The following BCAM variants were observed in gnomAD, a reference collection of about 807,000 sequenced individuals.
BCAM encodes the protein basal cell adhesion molecule.
A neutral mutation model predicts 72.4 loss-of-function variants in BCAM; 61 were observed. The ratio of observed to expected loss-of-function variants is 0.84; its 90% confidence interval spans 0.69 to 1.04. The LOEUF is 1.04. Ranked by LOEUF, BCAM falls within the 50% of genes least tolerant of loss-of-function variation. The pLI, the probability that BCAM is intolerant of heterozygous loss-of-function variation, is 0.00. For synonymous variants in BCAM, 408 were observed against 384.2 expected, an observed-to-expected ratio of 1.06 and a Z score of -0.73; for missense variants, 909 against 895.0, an observed-to-expected ratio of 1.02 and a Z score of -0.20.
rs1411817501 is a variant in BCAM, at chr19:44,814,946, C to CTACGTT, written c.1078+187_1078+192dup. ...TTTTTTTCCCAGAGACAGGACCTGG[C>CTACGTT]TACGTTGCCCAGGCTGGTCTCGAAC... On this transcript the variant is annotated intron_variant, in intron 8 of 14. Transcript: ENST00000270233. The surrounding 1 kb of genome is among the most constrained non-coding windows in gnomAD (Gnocchi z 4.6). Among the ~76,000 whole-genome samples the CTACGTT allele has an allele frequency of 6.8e-6, 1 of 146,474 alleles. No homozygotes were observed. The highest frequency in any genetic ancestry group is 2.0e-4 in the East Asian group (1 of 5,008).
At chr19:44,811,651 C>T (rs1416887001) in intron 2 of BCAM, 3 of 347,936 alleles carry the variant, frequency 8.6e-6, no homozygotes, top group Admixed American at 8.3e-5. Flanking sequence ...CTTTGGGAGG[C>T]CGAGGCGGGT....
At chr19:44,811,833 C>T (rs920170557) in intron 2 of BCAM, 12 of 406,414 alleles carry the variant, frequency 3.0e-5, no homozygotes, top group African/African-American at 2.1e-4. Context: ...TGCAGTGAGC[C>T]GAGATCGAGC....
Position 44,818,971 on chromosome 19 carries a change from C to A in BCAM, c.1337-85C>A. On this transcript the variant is annotated intron_variant, in intron 10 of 14. Transcript: ENST00000270233. The surrounding 1 kb of genome is among the most constrained non-coding windows in gnomAD (Gnocchi z 4.6). ...ACAGGACGAGTTCCTGAGTCCCTGG[C>A]TGGGGACTCCATCTTCTGCTCGATG... 2 of 1,598,160 alleles carry A rather than the reference C, an allele frequency of 1.3e-6. No homozygotes were observed. Among genetic ancestry groups the A allele is most frequent in the Non-Finnish European group, 8.5e-7 (1 of 1,170,306 alleles).
intron 1 of BCAM, 21 bp from the exon 2 acceptor site, chr19:44,811,204 A>G: frequency 1.2e-6 from 2 of 1,611,458 alleles, no homozygotes; most frequent in East Asian, 2.2e-5. Context: ...GGTGGATGAT[A>G]GCTCAGTTGC....
In BCAM at chr19:44,818,815, A is replaced by C. The variant is rs1433028440; in HGVS notation, c.1269A>C (p.Val423=). The change falls in exon 10 of 15, where the codon GTA becomes GTC. Residue 423 remains valine (V), a synonymous_variant. Coordinates refer to ENST00000270233, the MANE Select transcript of BCAM (RefSeq NM_005581.5). The surrounding 1 kb of genome is among the most constrained non-coding windows in gnomAD (Gnocchi z 4.6). ...SITFDSNGTY[V]CEASLPTVPV... is the part of the protein sequence containing the mutation. Reference sequence around the variant, plus strand: ...CCTTCGATTCCAATGGCACCTACGTATGTGAGGCCTCCCTGCCCACAGTCC... The same window carrying C: ...CCTTCGATTCCAATGGCACCTACGTCTGTGAGGCCTCCCTGCCCACAGTCC... 6.2e-7 allele frequency: 1 copy of C among 1,613,966 alleles called. No individual in the cohort carries two copies.
chr19:44,817,548 T>C (rs1274615747), intron 8 of BCAM, among the ~76,000 whole-genome samples: 1 of 148,788 alleles, frequency 6.7e-6, no homozygotes, highest in Non-Finnish European at 1.5e-5. Context: ...TGGTTTTTTT[T>C]GTTTTTTTTT....
rs758062093 is a variant in BCAM, at chr19:44,812,449, G to T, written c.434-29G>T. 10 of 1,614,100 alleles carry T rather than the reference G, an allele frequency of 6.2e-6. No homozygotes were observed. Among genetic ancestry groups the T allele is most frequent in the Non-Finnish European group, 8.5e-6 (10 of 1,180,030 alleles). ...CAGGCAGGGAGGGGCGCAGGGCAGGGGCTCCTGACGTGAACGTCTTTTTCA... is the reference window on the plus strand; with the variant it reads ...CAGGCAGGGAGGGGCGCAGGGCAGGTGCTCCTGACGTGAACGTCTTTTTCA... On this transcript the variant is annotated intron_variant, in intron 3 of 14. Coordinates refer to ENST00000270233, the MANE Select transcript of BCAM (RefSeq NM_005581.5). This position sits in a 1 kb window ranked among gnomAD's most constrained non-coding sequence, Gnocchi z 5.3.
intron 1 of BCAM, among the ~76,000 whole-genome samples, chr19:44,809,855 G>C (rs2122544635): frequency 6.9e-6 from 1 of 145,598 alleles, no homozygotes; most frequent in East Asian, 1.9e-4. Context: ...AGAAGGAGAG[G>C]AGGCCGGGGG....
At position 44,813,469 on chromosome 19, in the gene BCAM, G is replaced by A. The variant is rs977045169; in HGVS notation, c.633G>A (p.Glu211=). ...EGYMTSRTVR[E]ASGLLSLTST... Reference sequence around the variant, plus strand: ...ACATGACCAGCCGCACGGTCCGGGAGGCCTCGGGCCTGCTCTCCCTCACCA... The same window carrying A: ...ACATGACCAGCCGCACGGTCCGGGAAGCCTCGGGCCTGCTCTCCCTCACCA... The change falls in exon 6 of 15, where the codon GAG becomes GAA. Residue 211 remains glutamate, a synonymous_variant. Transcript: ENST00000270233. The surrounding 1 kb of genome is among the most constrained non-coding windows in gnomAD (Gnocchi z 4.2). The A allele has an allele frequency of 6.2e-7, 1 of 1,612,000 alleles. No homozygotes were observed. The highest frequency in any genetic ancestry group is 2.2e-5 in the East Asian group (1 of 44,874).
Position 44,814,417 on chromosome 19 carries a change from C to G in BCAM, c.921+129C>G. ...CTTAGGCAGCCACCTGATCTGGTGG[C>G]CCACGAACTAAAAGGACCTCTGACC... On this transcript the variant is annotated intron_variant, in intron 7 of 14. Coordinates refer to ENST00000270233, the MANE Select transcript of BCAM (RefSeq NM_005581.5). The surrounding 1 kb of genome is among the most constrained non-coding windows in gnomAD (Gnocchi z 4.6). 6.9e-7 allele frequency: 1 copy of G among 1,439,768 alleles called. No homozygotes were observed. Among genetic ancestry groups the G allele is most frequent in the Non-Finnish European group, 9.2e-7 (1 of 1,082,552 alleles). The allele number at this position is 1,439,768 out of a possible 1,614,324, so 89.2% of individuals were successfully genotyped here.
chr19:44,819,768 C>T, intron 13 of BCAM, 42 bp downstream of exon 13: 1 of 1,532,768 alleles, frequency 6.5e-7, no homozygotes, highest in Non-Finnish European at 8.8e-7. Context: ...TAGCTTAACC[C>T]CATCCCCACC....
chr19:44,812,249 C>A lies in BCAM; in HGVS notation c.291C>A (p.Gly97=). ...AGGTCACAATGCACGACACCCGGGG[C>A]CGCAGTCCCCCATACCAGCTGGACT... ...ELQVTMHDTR[G]RSPPYQLDSQ... The change falls in exon 3 of 15, where the codon GGC becomes GGA. Residue 97 remains glycine (G), a synonymous_variant. Transcript: ENST00000270233. This position sits in a 1 kb window ranked among gnomAD's most constrained non-coding sequence, Gnocchi z 5.3. 6.2e-7 allele frequency: 1 copy of A among 1,608,674 alleles called. No individual in the cohort carries two copies. The highest frequency in any genetic ancestry group is 8.5e-7 in the Non-Finnish European group (1 of 1,177,700).
rs1410817973 is a variant in BCAM at position 44,818,696 on chromosome 19, T to C, written c.1195-45T>C. 6.2e-7 allele frequency: 1 copy of C among 1,612,640 alleles called. No homozygotes were observed. Among genetic ancestry groups the C allele is most frequent in the Admixed American group, 1.7e-5 (1 of 59,954 alleles). ...CTCGCACCCTCCTCTCTCCCCTCAC[T>C]CCTCGCCCTCTCACAGCGTCCTCCT... is the stretch of plus-strand genomic sequence containing the variant. On this transcript the variant is annotated intron_variant, in intron 9 of 14. Coordinates refer to ENST00000270233, the MANE Select transcript of BCAM (RefSeq NM_005581.5). The surrounding 1 kb of genome is among the most constrained non-coding windows in gnomAD (Gnocchi z 4.6).
chr19:44,814,759 C>T lies in BCAM; in HGVS notation c.1077C>T (p.Ala359=). 2 of 1,609,184 alleles carry T rather than the reference C, an allele frequency of 1.2e-6. No homozygotes were observed. The highest frequency in any genetic ancestry group is 1.7e-6 in the Non-Finnish European group (2 of 1,177,862). The change falls in exon 8 of 15, where the codon GCC becomes GCT. Residue 359 remains alanine (A), a splice_region_variant and synonymous_variant. Transcript: ENST00000270233. This position sits in a 1 kb window ranked among gnomAD's most constrained non-coding sequence, Gnocchi z 4.6. ...QLSKTLELRV[A]YLDPLELSEG... ...CCAAGACGCTGGAGCTGCGCGTGGC[C>T]TGTGAGAGCCCTGGGTGAACGGGCG... is the stretch of plus-strand genomic sequence containing the variant.
Position 44,814,171 on chromosome 19 carries a change from G to T in BCAM, c.804G>T (p.Gln268His). The part of the protein sequence containing the change: ...LTLHYPTEHV[Q>H]FWVGSPSTPA... ...CCTTAGATCCCACGGAGCACGTGCAGTTCTGGGTGGGCAGCCCGTCCACCC... is the reference window on the plus strand; with the variant it reads ...CCTTAGATCCCACGGAGCACGTGCATTTCTGGGTGGGCAGCCCGTCCACCC... Residue 268 changes from glutamine (Q) to histidine (H), a missense_variant, in exon 7 of 15, where the codon CAG becomes CAT. Gln to His is a conservative substitution (Grantham distance 24, BLOSUM62 0). Transcript: ENST00000270233. This position sits in a 1 kb window ranked among gnomAD's most constrained non-coding sequence, Gnocchi z 4.6. 6.3e-7 allele frequency: 1 copy of T among 1,586,240 alleles called. No individual in the cohort carries two copies. Among genetic ancestry groups the T allele is most frequent in the East Asian group, 2.3e-5 (1 of 44,302 alleles).
At position 44,813,779 on chromosome 19, in the gene BCAM, T is replaced by C. The variant is rs1968464425; in HGVS notation, c.784+159T>C. ...GCTGGCCACTGACCTCTGACCTCAA[T>C]TGGTCGCACAAGCCCCATCCTGACC... On this transcript the variant is annotated intron_variant, in intron 6 of 14. Transcript: ENST00000270233. The surrounding 1 kb of genome is among the most constrained non-coding windows in gnomAD (Gnocchi z 4.2). 1 of 1,075,942 alleles carries C rather than the reference T, an allele frequency of 9.3e-7. No individual in the cohort carries two copies. The highest frequency in any genetic ancestry group is 1.3e-6 in the Non-Finnish European group (1 of 768,220). 66.6% of individuals were successfully genotyped at this position (1,075,942 alleles called of 1,614,324 possible). A position where few individuals can be genotyped will look rare whatever the true frequency, so the allele number is the denominator to read the frequency against.
chr19:44,817,607 C>T (rs1174191541), intron 8 of BCAM, among the ~76,000 whole-genome samples: 1 of 151,514 alleles, frequency 6.6e-6, no homozygotes, highest in South Asian at 2.1e-4. Flanking sequence ...CGCAGTGGCA[C>T]AATCTCGGCT....
chr19:44,812,373 G>C lies in BCAM; in HGVS notation c.415G>C (p.Ala139Pro), dbSNP rs1968435786. The C allele has an allele frequency of 6.2e-7, 1 of 1,613,882 alleles. No homozygotes were observed. The highest frequency in any genetic ancestry group is 1.3e-5 in the African/African-American group (1 of 74,950). Residue 139 changes from alanine to proline, a missense_variant, in exon 3 of 15, where the codon GCG (alanine) becomes CCG (proline). Ala to Pro is a conservative substitution (Grantham distance 27). Coordinates refer to ENST00000270233, the MANE Select transcript of BCAM (RefSeq NM_005581.5). This position sits in a 1 kb window ranked among gnomAD's most constrained non-coding sequence, Gnocchi z 5.3. ...AGAAGTAEATARLNVFAKPEA... is the reference protein window; with the variant it reads ...AGAAGTAEATPRLNVFAKPEA... ...GGCGGCAGGCACTGCTGAGGCCACT[G>C]CGCGGCTCAACGTGTTTGGTAAGTG...
chr19:44,816,346 G>A (rs2122561406), intron 8 of BCAM, among the ~76,000 whole-genome samples: 1 of 152,322 alleles, frequency 6.6e-6, no homozygotes, highest in South Asian at 2.1e-4. Context: ...GCCTCAGTCA[G>A]CCCCACGGGG....
Sources: allele counts gnomAD v4.1 joint callset (sites outside exome capture counted in the v4.1 genomes callset), GRCh38; gene constraint gnomAD v4.1.1; non-coding constraint Gnocchi (gnomAD v3.1); transcripts MANE v1.5; gene names NCBI Gene and HGNC (gene_info 2026-07-23, HGNC 2026-07-21).